Variants in FTO observed in about 807,000 individuals in gnomAD.
FTO encodes the protein alpha-ketoglutarate-dependent dioxygenase FTO.
In FTO, 47 loss-of-function variants were observed where a neutral mutation model predicts 63.9. The ratio of observed to expected loss-of-function variants is 0.74; its 90% confidence interval spans 0.58 to 0.94. The LOEUF (loss-of-function observed/expected upper bound fraction) is 0.94, where lower values mean the gene tolerates loss of function less well. FTO is among the 40% of genes least tolerant of loss of function. The pLI, the probability that FTO is intolerant of heterozygous loss-of-function variation, is 0.00. For synonymous variants in FTO, 207 were observed against 224.4 expected (o/e 0.92, Z 0.69); for missense variants, 562 against 618.1 (o/e 0.91, Z 0.96).
chr16:53,995,604 C>G (rs1413860880), intron 8 of FTO, among the ~76,000 whole-genome samples: 1 of 152,194 alleles, frequency 6.6e-6, no homozygotes, highest in Admixed American at 6.5e-5. Flanking sequence ...GTGGCGTGAA[C>G]TTTACTAAAA....
chr16:53,708,659 T>G (rs1483205975), intron 1 of FTO, among the ~76,000 whole-genome samples: 3 of 152,326 alleles, frequency 2.0e-5, no homozygotes, highest in African/African-American at 7.2e-5. Context: ...AGGGTTACAA[T>G]TTTGTCACAT....
intron 6 of FTO, among the ~76,000 whole-genome samples, chr16:53,886,153 A>G (rs987403725): frequency 4.6e-5 from 7 of 152,208 alleles, no homozygotes; most frequent in Admixed American, 3.9e-4. Flanking sequence ...CTCTTGTCCA[A>G]TAGCAGAGCC....
chr16:54,044,110 T>G (rs1266572729), intron 8 of FTO, among the ~76,000 whole-genome samples: 1 of 57,256 alleles, frequency 1.7e-5, no homozygotes, highest in African/African-American at 2.0e-4. Flanking sequence ...CATAACAATA[T>G]TAACTTTAAA....
intron 1 of FTO, among the ~76,000 whole-genome samples, chr16:53,751,798 G>A (rs1052617460): frequency 2.0e-5 from 3 of 152,134 alleles, no homozygotes; most frequent in African/African-American, 4.8e-5. Flanking sequence ...TTTATGTTAC[G>A]TGAATTACAT....
intron 4 of FTO, among the ~76,000 whole-genome samples, chr16:53,859,767 A>G (rs76411074): frequency 0.045 from 6,847 of 152,272 alleles, 199 homozygotes; most frequent in Non-Finnish European, 0.065. Flanking sequence ...AATAACTATT[A>G]TACAATAGAC....
At chr16:53,815,636 G>GTTTTTCTTGTTTTTTTTT (rs1456280699) in intron 2 of FTO, among the ~76,000 whole-genome samples, 27 of 98,150 alleles carry the variant, frequency 2.8e-4, no homozygotes, top group African/African-American at 1.5e-3. Context: ...TGACTTTCTT[G>GTTTTTCTTGTTTTTTTTT]TTTTTTTTTT....
chr16:53,773,184 A>T (rs1265174563), intron 1 of FTO, among the ~76,000 whole-genome samples: 2 of 151,992 alleles, frequency 1.3e-5, no homozygotes, highest in Admixed American at 1.3e-4. Flanking sequence ...AGAATAAAAT[A>T]TATGTATGCT....
intron 8 of FTO, among the ~76,000 whole-genome samples, chr16:54,017,547 C>G (rs1283671196): frequency 6.6e-6 from 1 of 152,192 alleles, no homozygotes; most frequent in Admixed American, 6.5e-5. Flanking sequence ...AAGCAGAACA[C>G]TTGAATCAAA....
chr16:53,811,333 T>G (rs1410800227), intron 2 of FTO, among the ~76,000 whole-genome samples: 2 of 152,128 alleles, frequency 1.3e-5, no homozygotes, highest in Non-Finnish European at 2.9e-5. Flanking sequence ...AGGAATTAGG[T>G]CACAGCATCT....
intron 8 of FTO, among the ~76,000 whole-genome samples, chr16:53,942,194 C>T (rs1232079055): frequency 3.3e-5 from 5 of 152,158 alleles, no homozygotes; most frequent in Non-Finnish European, 7.3e-5. Context: ...TTCATCTAAC[C>T]TTGCCAGGGG....
intron 8 of FTO, among the ~76,000 whole-genome samples, chr16:54,099,607 G>A (rs1187472561): frequency 3.3e-5 from 5 of 152,082 alleles, no homozygotes; most frequent in African/African-American, 1.2e-4. Context: ...CTAAATGTTC[G>A]GCTGTCAAGA....
At chr16:53,927,736 G>A (rs1307323773) in intron 7 of FTO, among the ~76,000 whole-genome samples, 2 of 152,162 alleles carry the variant, frequency 1.3e-5, no homozygotes, top group Admixed American at 6.5e-5. Context: ...CACTAATGGA[G>A]AGAGATCAAG....
chr16:53,879,727 A>G, intron 5 of FTO, 117 bp from the exon 6 acceptor site: 1 of 936,372 alleles, frequency 1.1e-6, no homozygotes, highest in Non-Finnish European at 1.7e-6. Context: ...GTATAGACTG[A>G]GCCATGGGGC....
At chr16:53,992,720 G>T (rs2083841172) in intron 8 of FTO, 1 of 152,084 alleles carries the variant, frequency 6.6e-6, no homozygotes, top group African/African-American at 2.4e-5. Flanking sequence ...CACTCATGTT[G>T]AACTTGAGGC....
At chr16:53,740,307 TGACTG>T (rs1693142500) in intron 1 of FTO, among the ~76,000 whole-genome samples, 1 of 152,232 alleles carries the variant, frequency 6.6e-6, no homozygotes, top group Non-Finnish European at 1.5e-5. Context: ...CAGGACATAG[TGACTG>T]GATGTCATCA....
intron 8 of FTO, among the ~76,000 whole-genome samples, chr16:53,980,976 G>A (rs1375757637): frequency 2.0e-5 from 3 of 152,140 alleles, no homozygotes; most frequent in Non-Finnish European, 4.4e-5. Context: ...TCCTCAAAGA[G>A]ATAACATGGG....
At chr16:53,758,376 G>T (rs923935633) in intron 1 of FTO, among the ~76,000 whole-genome samples, 1 of 152,188 alleles carries the variant, frequency 6.6e-6, no homozygotes, top group Non-Finnish European at 1.5e-5. Context: ...AGGCTGGAAG[G>T]AATAGAGGGC....
At chr16:53,888,706 C>A in intron 6 of FTO, 126 bp from the exon 7 acceptor site, 1 of 1,016,458 alleles carries the variant, frequency 9.8e-7, no homozygotes, top group Non-Finnish European at 1.6e-6. Flanking sequence ...GTTAGGCTGA[C>A]CTTTCTCACC....
chr16:53,809,224 G>C (rs1428354623), intron 1 of FTO, among the ~76,000 whole-genome samples: 1 of 152,112 alleles, frequency 6.6e-6, no homozygotes, highest in Non-Finnish European at 1.5e-5. Context: ...TAAAAAGGCT[G>C]CTTCATGGAA....
Sources: allele counts gnomAD v4.1 joint callset (sites outside exome capture counted in the v4.1 genomes callset), GRCh38; gene constraint gnomAD v4.1.1; transcripts MANE v1.5; gene names NCBI Gene and HGNC (gene_info 2026-07-23, HGNC 2026-07-21).